Variants in KLHL14 observed in about 807,000 individuals in gnomAD.
KLHL14 encodes the protein kelch-like protein 14.
A neutral mutation model predicts 64.3 loss-of-function variants in KLHL14; 22 were observed. The ratio of observed to expected loss-of-function variants is 0.34; its 90% confidence interval spans 0.24 to 0.49. The LOEUF (loss-of-function observed/expected upper bound fraction) is 0.49, where lower values mean the gene tolerates loss of function less well. Among genes scored for constraint, KLHL14 ranks in the 20% least tolerant of loss-of-function variants. KLHL14 has a pLI of 0.99. For missense variants in KLHL14, 661 were observed against 789.0 expected (o/e 0.84, Z 1.94); for synonymous variants, 322 against 333.4 (o/e 0.97, Z 0.37).
chr18:32,673,821 G>C lies in KLHL14; in HGVS notation c.*836C>G, dbSNP rs2049797521. Reference sequence around the variant, plus strand: ...ATCATCTAACAGAATCTCTAAAATAGTATTGACTGAATTTGTCAATCCTGT... The same window carrying C: ...ATCATCTAACAGAATCTCTAAAATACTATTGACTGAATTTGTCAATCCTGT... On this transcript the variant is annotated 3_prime_UTR_variant, in exon 9 of 9. Coordinates refer to ENST00000359358, the MANE Select transcript of KLHL14 (RefSeq NM_020805.3). 6.6e-6 allele frequency: 1 copy of C among 152,032 alleles called. No individual in the cohort carries two copies. The highest frequency in any genetic ancestry group is 2.4e-5 in the African/African-American group (1 of 41,366). The allele number at this position is 152,032 out of a possible 1,614,324, so 9.4% of individuals were successfully genotyped here.
intron 2 of KLHL14, among the ~76,000 whole-genome samples, chr18:32,761,832 G>C (rs983689750): frequency 6.6e-6 from 1 of 152,106 alleles, no homozygotes; most frequent in Admixed American, 6.6e-5. Flanking sequence ...CACAACTTCT[G>C]ATTAGTAGTA....
At chr18:32,716,762 CATATAGTTG>C (rs2050047890) in intron 3 of KLHL14, among the ~76,000 whole-genome samples, 1 of 152,146 alleles carries the variant, frequency 6.6e-6, no homozygotes, top group Non-Finnish European at 1.5e-5. Context: ...ACCTTCATTT[CATATAGTTG>C]ATATTTAAAA....
intron 2 of KLHL14, among the ~76,000 whole-genome samples, chr18:32,753,849 G>A (rs6506987): frequency 0.92 from 140,425 of 152,262 alleles, 64,896 homozygotes; most frequent in East Asian, 0.99. Flanking sequence ...TTGATTACCT[G>A]TATAATCCCT....
chr18:32,714,533 A>T (rs1226339380), intron 3 of KLHL14, among the ~76,000 whole-genome samples: 1 of 152,194 alleles, frequency 6.6e-6, no homozygotes, highest in Non-Finnish European at 1.5e-5. Context: ...GGCTATTTAA[A>T]TTAACTTCCT....
At chr18:32,755,155 G>A (rs2050275480) in intron 2 of KLHL14, among the ~76,000 whole-genome samples, 1 of 151,902 alleles carries the variant, frequency 6.6e-6, no homozygotes, top group East Asian at 1.9e-4. Flanking sequence ...AACCCTCGAG[G>A]GACCATGGTG....
intron 2 of KLHL14, among the ~76,000 whole-genome samples, chr18:32,762,751 A>T (rs2050321182): frequency 6.6e-6 from 1 of 152,140 alleles, no homozygotes; most frequent in African/African-American, 2.4e-5. Context: ...ATCATTAGTA[A>T]TGCCTGTATT....
intron 3 of KLHL14, among the ~76,000 whole-genome samples, chr18:32,716,564 G>A (rs12953998): frequency 0.24 from 36,718 of 151,934 alleles, 4,646 homozygotes; most frequent in Middle Eastern, 0.32. Flanking sequence ...GTAGGCACAC[G>A]CCACCACGCC....
chr18:32,735,494 G>T (rs917192539), intron 3 of KLHL14, among the ~76,000 whole-genome samples: 1 of 152,036 alleles, frequency 6.6e-6, no homozygotes, highest in Non-Finnish European at 1.5e-5. Flanking sequence ...GTTCAGCCAC[G>T]CACCTTCTTT....
intron 3 of KLHL14, among the ~76,000 whole-genome samples, chr18:32,699,614 T>C (rs184763075): frequency 3.5e-4 from 53 of 152,264 alleles, no homozygotes; most frequent in African/African-American, 1.2e-3. Flanking sequence ...CACGCTCTTA[T>C]CCATTTCACT....
At chr18:32,714,886 C>CTTTTT (rs144797469) in intron 3 of KLHL14, among the ~76,000 whole-genome samples, 1 of 148,364 alleles carries the variant, frequency 6.7e-6, no homozygotes. Context: ...CTCTGGTGGT[C>CTTTTT]CTTTTTTTTT....
At position 32,770,832 on chromosome 18, in the gene KLHL14, C is replaced by T; in HGVS notation, c.-43-198G>A. On this transcript the variant is annotated intron_variant, in intron 1 of 8. Transcript: ENST00000359358. This position sits in a 1 kb window ranked among gnomAD's most constrained non-coding sequence, Gnocchi z 6.7. ...GAAGACGCTGGATCCGTGAGCGCCA[C>T]CAGAAGGGCCCTGTCTGGGGTCCCG... is the stretch of plus-strand genomic sequence containing the variant. 2.1e-6 allele frequency: 1 copy of T among 487,010 alleles called. No individual in the cohort carries two copies. The allele number at this position is 487,010 out of a possible 1,614,324, so 30.2% of individuals were successfully genotyped here.
intron 3 of KLHL14, among the ~76,000 whole-genome samples, chr18:32,730,883 G>A (rs534581947): frequency 3.3e-5 from 5 of 152,266 alleles, no homozygotes; most frequent in South Asian, 2.1e-4. Flanking sequence ...AAGGCAGGTC[G>A]GTAGGATTAA....
chr18:32,737,280 C>A (rs2050171183), intron 3 of KLHL14: 1 of 152,184 alleles, frequency 6.6e-6, no homozygotes, highest in South Asian at 2.1e-4. Context: ...ATTTTATTTT[C>A]TTCAAAACAA....
intron 3 of KLHL14, chr18:32,733,978 G>C: frequency 1.7e-6 from 1 of 587,938 alleles, no homozygotes; most frequent in East Asian, 2.8e-5. Flanking sequence ...CGGGTCAAGA[G>C]GAGTCTCAAA....
intron 3 of KLHL14, among the ~76,000 whole-genome samples, chr18:32,736,030 ATTCAGTAGCACATACCACAGC>A (rs1240235436): frequency 2.6e-4 from 39 of 152,324 alleles, no homozygotes; most frequent in African/African-American, 8.2e-4. Context: ...TTCATTTCAG[ATTCAGTAGCACATACCACAGC>A]TTATGTCTAA....
rs1907024204 is a variant in KLHL14, at chr18:32,674,879, T to C, written c.1747-82A>G. ...ATGTTACTGATCATATTTATTAATA[T>C]ATTGAAAAGAAAATATCTGTTCTCC... On this transcript the variant is annotated intron_variant, in intron 8 of 8. Coordinates refer to ENST00000359358, the MANE Select transcript of KLHL14 (RefSeq NM_020805.3). 4.5e-6 allele frequency: 3 copies of C among 664,912 alleles called. No homozygotes were observed. In the East Asian group the frequency reaches 7.4e-5, roughly 17 times the overall value. 41.2% of individuals were successfully genotyped at this position (664,912 alleles called of 1,614,324 possible).
chr18:32,743,212 T>G (rs2050207947), intron 2 of KLHL14: 1 of 152,174 alleles, frequency 6.6e-6, no homozygotes, highest in Non-Finnish European at 1.5e-5. Context: ...AGGAAAAAAG[T>G]CAATAAATAC....
chr18:32,729,058 G>T (rs1416662826), intron 3 of KLHL14, among the ~76,000 whole-genome samples: 1 of 152,178 alleles, frequency 6.6e-6, no homozygotes, highest in Admixed American at 6.5e-5. Flanking sequence ...CCTGGGAAAC[G>T]AATACTACAG....
At chr18:32,744,742 T>G (rs2050216015) in intron 2 of KLHL14, 1 of 152,210 alleles carries the variant, frequency 6.6e-6, no homozygotes, top group Non-Finnish European at 1.5e-5. Flanking sequence ...GGAACTTCCC[T>G]AGACAAGTTA....
Sources: gnomAD v4.1 joint callset for allele counts (sites outside exome capture counted in the v4.1 genomes callset) on GRCh38, gnomAD v4.1.1 for gene constraint, Gnocchi (gnomAD v3.1) non-coding constraint, MANE v1.5 for transcripts, NCBI Gene and HGNC (gene_info 2026-07-23, HGNC 2026-07-21) for gene names.